PXMP4: variants seen among roughly 807,000 people sequenced by gnomAD.
PXMP4 encodes 24 kDa peroxisomal intrinsic membrane protein.
A neutral mutation model predicts 21.6 loss-of-function variants in PXMP4; 16 were observed. That is an observed-to-expected ratio of 0.74 (90% CI 0.50 to 1.13). PXMP4 has a LOEUF of 1.13. Ranked by LOEUF, PXMP4 falls within the 50% of genes most tolerant of loss-of-function variation. The pLI, the probability that PXMP4 is intolerant of heterozygous loss-of-function variation, is 0.00. For missense variants in PXMP4, 240 were observed against 277.7 expected, an observed-to-expected ratio of 0.86 and a Z score of 0.96; for synonymous variants, 127 against 123.8, an observed-to-expected ratio of 1.03 and a Z score of -0.17.
intron 3 of PXMP4, among the ~76,000 whole-genome samples, chr20:33,708,750 G>A (rs900440720): frequency 6.0e-5 from 9 of 150,494 alleles, no homozygotes; most frequent in Non-Finnish European, 1.3e-4. Context: ...GAGTGCAGTG[G>A]CACGATCTTG....
Position 33,720,175 on chromosome 20 carries a change from G to C in PXMP4, c.33C>G (p.Leu11=). The C allele has an allele frequency of 1.2e-6, 2 of 1,613,278 alleles. No individual in the cohort carries two copies. Among genetic ancestry groups the C allele is most frequent in the African/African-American group, 1.3e-5 (1 of 75,066 alleles). Residue 11 remains leucine (L), a synonymous_variant, in exon 1 of 4, where the codon CTC becomes CTG. Transcript: ENST00000409299. MAAPPQLRAL[L]VVVNALLRKR... ...TGCGCAGCAGTGCGTTGACGACTAC[G>C]AGCAGAGCCCTTAGCTGCGGCGGGG...
At chr20:33,708,378 G>A (rs1252979445) in intron 3 of PXMP4, among the ~76,000 whole-genome samples, 2 of 151,602 alleles carry the variant, frequency 1.3e-5, no homozygotes, top group Non-Finnish European at 2.9e-5. Context: ...GTAGAGATAG[G>A]GTTTCAATGT....
chr20:33,720,056 C>T (rs1209077502), intron 1 of PXMP4, 39 bp downstream of exon 1: 1 of 1,589,874 alleles, frequency 6.3e-7, no homozygotes, highest in Middle Eastern at 1.7e-4. Flanking sequence ...CCAGGCAGGA[C>T]ATCCCTCAGC....
In PXMP4 at chr20:33,714,695, G is replaced by T; in HGVS notation, c.155C>A (p.Thr52Asn). 3 of 1,614,068 alleles carry T rather than the reference G, an allele frequency of 1.9e-6. No homozygotes were observed. ...KIRAPHALVM[T>N]FLFRNGSLQE... The stretch of plus-strand genomic sequence containing the variant: ...GTACCTGCCATTCCGGAAGAGAAAG[G>T]TCATGACCAGCGCGTGAGGGGCCCG... Residue 52 changes from threonine to asparagine, a missense_variant, in exon 2 of 4, where the codon ACC (threonine) becomes AAC (asparagine). Thr to Asn is a moderately conservative substitution (Grantham distance 65). Coordinates refer to ENST00000409299, the MANE Select transcript of PXMP4 (RefSeq NM_007238.5).
chr20:33,714,027 C>CG (rs1030053984), intron 2 of PXMP4, among the ~76,000 whole-genome samples: 1 of 152,060 alleles, frequency 6.6e-6, no homozygotes, highest in African/African-American at 2.4e-5. Context: ...GCACTCCTGG[C>CG]GGGGGTGCTG....
intron 2 of PXMP4, among the ~76,000 whole-genome samples, chr20:33,712,012 AG>A (rs1428305553): frequency 6.6e-6 from 1 of 151,542 alleles, no homozygotes; most frequent in African/African-American, 2.4e-5. Context: ...ACTAGGGGGC[AG>A]GAAGGATAAC....
chr20:33,713,405 T>C (rs145606171), intron 2 of PXMP4, among the ~76,000 whole-genome samples: 2 of 152,326 alleles, frequency 1.3e-5, no homozygotes, highest in Non-Finnish European at 2.9e-5. Flanking sequence ...TGTCACTTTC[T>C]CATAGCGGCC....
intron 3 of PXMP4, among the ~76,000 whole-genome samples, chr20:33,710,205 A>C (rs1459669689): frequency 3.7e-4 from 17 of 46,002 alleles, no homozygotes; most frequent in Admixed American, 7.9e-4. Context: ...CCCTTCCCCC[A>C]CTCCCACCTC....
At chr20:33,714,418 C>T (rs2018362362) in intron 2 of PXMP4, among the ~76,000 whole-genome samples, 1 of 152,018 alleles carries the variant, frequency 6.6e-6, no homozygotes, top group Admixed American at 6.6e-5. Context: ...ACTCAGGAGA[C>T]TGAAGCAGGA....
rs771768757 is a variant in PXMP4, at chr20:33,720,208, A to G, written c.-1T>C. 9.1e-5 allele frequency: 146 copies of G among 1,608,622 alleles called. No homozygotes were observed. The highest frequency in any genetic ancestry group is 1.2e-4 in the Non-Finnish European group (143 of 1,177,630). On this transcript the variant is annotated 5_prime_UTR_variant, in exon 1 of 4. Transcript: ENST00000409299. Reference sequence around the variant, plus strand: ...CCCTTAGCTGCGGCGGGGCTGCCATAGTGCGGGCTGCGCGCAGGGTCGGGG... The same window carrying G: ...CCCTTAGCTGCGGCGGGGCTGCCATGGTGCGGGCTGCGCGCAGGGTCGGGG...
chr20:33,719,614 G>A (rs1408012799), intron 1 of PXMP4, among the ~76,000 whole-genome samples: 1 of 152,200 alleles, frequency 6.6e-6, no homozygotes, highest in African/African-American at 2.4e-5. Flanking sequence ...AGCCCCCTGA[G>A]CCGAACGGGA....
chr20:33,714,531 C>T (rs986948163), intron 2 of PXMP4, 143 bp downstream of exon 2: 2 of 901,444 alleles, frequency 2.2e-6, no homozygotes, highest in African/African-American at 1.7e-5. Context: ...ACAACAACAA[C>T]AACAACAACA....
intron 1 of PXMP4, among the ~76,000 whole-genome samples, chr20:33,718,870 T>C (rs971105153): frequency 4.6e-5 from 7 of 152,164 alleles, no homozygotes; most frequent in African/African-American, 9.6e-5. Context: ...AGGAACAAAA[T>C]AGATAAAGTT....
At position 33,704,018 on chromosome 20, in the gene PXMP4, C is replaced by T. The variant is rs970452550; in HGVS notation, c.*3688G>A. Reference sequence around the variant, plus strand: ...TCCCCAACCCCTAGAGCAGCAGTCCCCAACCTTTTTGGCACCAGGGACCAG... The same window carrying T: ...TCCCCAACCCCTAGAGCAGCAGTCCTCAACCTTTTTGGCACCAGGGACCAG... On this transcript the variant is annotated 3_prime_UTR_variant, in exon 4 of 4. Coordinates refer to ENST00000409299, the MANE Select transcript of PXMP4 (RefSeq NM_007238.5). The T allele has an allele frequency of 4.6e-5, 7 of 152,458 alleles. No individual in the cohort carries two copies. Among genetic ancestry groups the T allele is most frequent in the African/African-American group, 1.7e-4 (7 of 41,452 alleles). 9.4% of individuals were successfully genotyped at this position (152,458 alleles called of 1,614,324 possible).
intron 3 of PXMP4, among the ~76,000 whole-genome samples, chr20:33,708,379 G>A (rs2018287233): frequency 2.0e-5 from 3 of 151,604 alleles, no homozygotes; most frequent in African/African-American, 7.3e-5. Flanking sequence ...TAGAGATAGG[G>A]TTTCAATGTG....
In PXMP4 at chr20:33,717,589, G is replaced by A. The variant is rs868225468; in HGVS notation, c.113+2506C>T. 7.4e-3 allele frequency among the ~76,000 whole-genome samples: 998 copies of A among 135,334 alleles called. 8 individuals carry two copies. The highest frequency in any genetic ancestry group is 0.027 in the African/African-American group (906 of 34,122). The allele number at this position is 135,334 out of a possible 152,430, so 88.8% of individuals were successfully genotyped here. A position where few individuals can be genotyped will look rare whatever the true frequency, so the allele number is the denominator to read the frequency against. ...CGGGAGGCGGAGCTTGCAGTGAGCC[G>A]AGATCGCGCCACTGCACTCCAGCCT... On this transcript the variant is annotated intron_variant, in intron 1 of 3. Transcript: ENST00000409299.
At position 33,706,982 on chromosome 20, in the gene PXMP4, G is replaced by A. The variant is rs753716191; in HGVS notation, c.*724C>T. The A allele has an allele frequency of 1.3e-5, 2 of 151,374 alleles. No individual in the cohort carries two copies. The highest frequency in any genetic ancestry group is 4.9e-5 in the African/African-American group (2 of 41,124). 9.4% of individuals were successfully genotyped at this position (151,374 alleles called of 1,614,324 possible). A position where few individuals can be genotyped will look rare whatever the true frequency, so the allele number is the denominator to read the frequency against. On this transcript the variant is annotated 3_prime_UTR_variant, in exon 4 of 4. Transcript: ENST00000409299. ...CGTGATCTTTGCTCACTGTAGCCTC[G>A]ACCTCATAGGCTCAAGTGATCCTCC... is the stretch of plus-strand genomic sequence containing the variant.
At chr20:33,716,826 A>T (rs1399833493) in intron 1 of PXMP4, among the ~76,000 whole-genome samples, 1 of 152,200 alleles carries the variant, frequency 6.6e-6, no homozygotes. Flanking sequence ...TCCCTAAAAC[A>T]GCTGTTAGGT....
intron 1 of PXMP4, among the ~76,000 whole-genome samples, chr20:33,719,317 G>T (rs1369186598): frequency 6.6e-6 from 1 of 152,218 alleles, no homozygotes; most frequent in Admixed American, 6.5e-5. Context: ...ACACGGGTAG[G>T]TGGGGCCAGG....
Sources: allele counts gnomAD v4.1 joint callset (sites outside exome capture counted in the v4.1 genomes callset), GRCh38; gene constraint gnomAD v4.1.1; transcripts MANE v1.5; gene names NCBI Gene and HGNC (gene_info 2026-07-23, HGNC 2026-07-21).